The following COL4A2 variants were observed in gnomAD, a reference collection of about 807,000 sequenced individuals.
The protein encoded by COL4A2 is collagen alpha-2(IV) chain.
COL4A2 carries 99 observed loss-of-function variants against 200.2 expected under a neutral mutation model. The observed-to-expected ratio is 0.49, with a 90% CI of 0.42 to 0.58. The LOEUF (loss-of-function observed/expected upper bound fraction) is 0.58, where lower values mean the gene tolerates loss of function less well. Ranked by LOEUF, COL4A2 falls within the 20% of genes least tolerant of loss-of-function variation. The pLI is 0.00. For synonymous variants in COL4A2, 897 were observed against 900.6 expected, an observed-to-expected ratio of 1.00 and a Z score of 0.07; for missense variants, 1,950 against 2,314.1, an observed-to-expected ratio of 0.84 and a Z score of 3.23.
rs372063042 is a variant in COL4A2, at chr13:110,435,048, G to A, written c.726+606G>A. Among the ~76,000 whole-genome samples the A allele has an allele frequency of 2.6e-5, 4 of 152,234 alleles. No individual in the cohort carries two copies. In the South Asian group the frequency reaches 8.3e-4, roughly 32 times the overall value. ...ACAAAAGCCATGAGCCCACTGTAAAGTAGACCTGACCCTTGGCCTCATGAT... is the reference window on the plus strand; with the variant it reads ...ACAAAAGCCATGAGCCCACTGTAAAATAGACCTGACCCTTGGCCTCATGAT... On this transcript the variant is annotated intron_variant, in intron 12 of 47. Coordinates refer to ENST00000360467, the MANE Select transcript of COL4A2 (RefSeq NM_001846.4).
intron 12 of COL4A2, among the ~76,000 whole-genome samples, chr13:110,434,999 C>T (rs1216453398): frequency 1.3e-5 from 2 of 152,202 alleles, no homozygotes; most frequent in African/African-American, 4.8e-5. Flanking sequence ...AAAACCTCAC[C>T]AACACAGTCC....
At chr13:110,395,497 A>G (rs1289331090) in intron 4 of COL4A2, among the ~76,000 whole-genome samples, 3 of 152,146 alleles carry the variant, frequency 2.0e-5, no homozygotes, top group Admixed American at 6.5e-5. Context: ...CCCACTCCTC[A>G]TGTTGCAAAG....
chr13:110,395,881 G>A (rs773071878), intron 4 of COL4A2, among the ~76,000 whole-genome samples: 6 of 152,202 alleles, frequency 3.9e-5, no homozygotes, highest in Admixed American at 6.5e-5. Context: ...GGAGGCGGAG[G>A]TTGCAGTGAG....
chr13:110,425,691 C>T (rs904136352), intron 6 of COL4A2, among the ~76,000 whole-genome samples: 1 of 152,184 alleles, frequency 6.6e-6, no homozygotes, highest in African/African-American at 2.4e-5. Flanking sequence ...CTTCACAAAC[C>T]TCACACATAT....
At chr13:110,310,825 T>C (rs994884087) in intron 3 of COL4A2, among the ~76,000 whole-genome samples, 1 of 152,210 alleles carries the variant, frequency 6.6e-6, no homozygotes, top group African/African-American at 2.4e-5. Context: ...GTACTAATGC[T>C]TCTAATCCTC....
intron 4 of COL4A2, among the ~76,000 whole-genome samples, chr13:110,376,499 TC>T (rs1462495117): frequency 6.6e-6 from 1 of 152,210 alleles, no homozygotes; most frequent in Non-Finnish European, 1.5e-5. Context: ...TCACTATTTT[TC>T]TGATAGTTTT....
At position 110,425,006 on chromosome 13, in the gene COL4A2, T is replaced by C. The variant is rs1880416413; in HGVS notation, c.360+9T>C. 6.2e-7 allele frequency: 1 copy of C among 1,614,244 alleles called. No individual in the cohort carries two copies. The highest frequency in any genetic ancestry group is 8.5e-7 in the Non-Finnish European group (1 of 1,180,044). On this transcript the variant is annotated intron_variant, in intron 6 of 47. Transcript: ENST00000360467. ...GTGCCGATGGAATTCCTGTAAGTTT[T>C]ATGGAAGACTGGAATTTTAAAACAT...
chr13:110,459,156 G>T (rs753439964), intron 22 of COL4A2: 4 of 443,550 alleles, frequency 9.0e-6, no homozygotes, highest in Non-Finnish European at 1.6e-5. Flanking sequence ...AACCGCAGCC[G>T]ACAGCTCTTG....
At position 110,447,014 on chromosome 13, in the gene COL4A2, C is replaced by T. The variant is rs74124349; in HGVS notation, c.1078+150C>T. 0.01 allele frequency: 5,029 copies of T among 494,706 alleles called. 224 individuals are homozygous for T. The highest frequency in any genetic ancestry group is 0.092 in the African/African-American group (4,660 of 50,452). The allele number at this position is 494,706 out of a possible 1,614,324, so 30.6% of individuals were successfully genotyped here. A position where few individuals can be genotyped will look rare whatever the true frequency, so the allele number is the denominator to read the frequency against. ...AATAAAAAAAATAAAAAATAAACCA[C>T]GAAATTTAGAACATAACTTCATGTA... On this transcript the variant is annotated intron_variant, in intron 18 of 47. Transcript: ENST00000360467.
intron 15 of COL4A2, 29 bp downstream of exon 15, chr13:110,438,697 G>T (rs774856084): frequency 1.2e-6 from 2 of 1,614,144 alleles, no homozygotes; most frequent in South Asian, 2.2e-5. Context: ...AACTGCAGTT[G>T]TCGGTTTGGT....
intron 3 of COL4A2, among the ~76,000 whole-genome samples, chr13:110,315,473 G>A (rs1885107585): frequency 1.3e-5 from 2 of 152,172 alleles, no homozygotes; most frequent in Non-Finnish European, 2.9e-5. Flanking sequence ...TTGGCTCCCT[G>A]CAACCTCTGC....
chr13:110,497,270 CAG>C (rs1220206761), intron 40 of COL4A2, among the ~76,000 whole-genome samples: 6 of 149,510 alleles, frequency 4.0e-5, no homozygotes, highest in African/African-American at 9.9e-5. Context: ...CAGCCTCACT[CAG>C]GGGTGAGGAT....
chr13:110,358,912 A>G (rs1277916715), intron 4 of COL4A2, among the ~76,000 whole-genome samples: 1 of 152,242 alleles, frequency 6.6e-6, no homozygotes, highest in East Asian at 1.9e-4. Flanking sequence ...TCTTTCATTC[A>G]TTGTTCATTA....
At chr13:110,499,319 G>A (rs749390766) in intron 40 of COL4A2, among the ~76,000 whole-genome samples, 46 of 152,188 alleles carry the variant, frequency 3.0e-4, no homozygotes, top group African/African-American at 1.1e-3. Context: ...CAATCATGGC[G>A]GAAGGGGAAG....
rs1882200448 is a variant in COL4A2, at chr13:110,465,458, A to G, written c.1830A>G (p.Gly610=). ...PGDPGYPGIP[G]TKGTPGEMGP... ...ACCCAGGCTATCCAGGAATACCTGG[A>G]ACGAAGGGTACTCCAGGAGAAATGG... Residue 610 remains glycine, a synonymous_variant, in exon 25 of 48, where the codon GGA becomes GGG. Coordinates refer to ENST00000360467, the MANE Select transcript of COL4A2 (RefSeq NM_001846.4). 1 of 1,613,830 alleles carries G rather than the reference A, an allele frequency of 6.2e-7. No individual in the cohort carries two copies. Among genetic ancestry groups the G allele is most frequent in the African/African-American group, 1.3e-5 (1 of 74,944 alleles).
At chr13:110,456,621 G>T in intron 20 of COL4A2, 1 of 378,538 alleles carries the variant, frequency 2.6e-6, no homozygotes, top group Non-Finnish European at 5.3e-6. Flanking sequence ...GTTTTCTTTT[G>T]AAAAAATGTG....
At chr13:110,430,138 T>C in intron 8 of COL4A2, 182 bp downstream of exon 8, 2 of 730,434 alleles carry the variant, frequency 2.7e-6, no homozygotes, top group Non-Finnish European at 4.1e-6. Flanking sequence ...TTATTTTTAA[T>C]TGTGTGTTTA....
chr13:110,496,039 G>A (rs2139542159), intron 40 of COL4A2, among the ~76,000 whole-genome samples: 1 of 152,286 alleles, frequency 6.6e-6, no homozygotes, highest in African/African-American at 2.4e-5. Context: ...CTGCTCCTGA[G>A]ATCCATGGGC....
chr13:110,468,692 G>A (rs538106850), intron 27 of COL4A2, among the ~76,000 whole-genome samples: 70 of 152,320 alleles, frequency 4.6e-4, no homozygotes, highest in Middle Eastern at 3.4e-3. Flanking sequence ...CAGGAACGGG[G>A]ATAAAAAAGT....
Sources: allele counts gnomAD v4.1 joint callset (sites outside exome capture counted in the v4.1 genomes callset), GRCh38; gene constraint gnomAD v4.1.1; transcripts MANE v1.5; gene names NCBI Gene and HGNC (gene_info 2026-07-23, HGNC 2026-07-21).